TUNAR: variants seen among roughly 807,000 people sequenced by gnomAD.
TUNAR encodes the protein transmembrane neural differentiation associated intracellular calcium regulator, also known as protein TUNAR.
chr14:95,914,269 T>G (rs1889566593), intron 2 of TUNAR, among the ~76,000 whole-genome samples: 1 of 152,176 alleles, frequency 6.6e-6, no homozygotes, highest in Non-Finnish European at 1.5e-5. Context: ...CAAGGCAAAC[T>G]CAACAGATTG....
intron 2 of TUNAR, among the ~76,000 whole-genome samples, chr14:95,887,829 T>A (rs1177836169): frequency 6.6e-6 from 1 of 152,102 alleles, no homozygotes; most frequent in Non-Finnish European, 1.5e-5. Context: ...AATGTATGAG[T>A]TCTGTGTGGT....
intron 2 of TUNAR, among the ~76,000 whole-genome samples, chr14:95,886,775 G>A (rs916156275): frequency 1.3e-5 from 2 of 152,220 alleles, no homozygotes; most frequent in African/African-American, 2.4e-5. Context: ...CCCTGAGGCC[G>A]GCCAATGCCC....
At chr14:95,891,625 T>C (rs1251010467) in intron 2 of TUNAR, among the ~76,000 whole-genome samples, 3 of 152,358 alleles carry the variant, frequency 2.0e-5, no homozygotes, top group Middle Eastern at 3.4e-3. Flanking sequence ...CCTATTACTA[T>C]ACACTCGCTA....
intron 2 of TUNAR, among the ~76,000 whole-genome samples, chr14:95,880,389 C>G (rs1260902774): frequency 6.6e-6 from 1 of 152,114 alleles, no homozygotes; most frequent in Admixed American, 6.5e-5. Flanking sequence ...AGCTTTGATC[C>G]ATCCTGATTA....
chr14:95,896,199 C>A (rs765085365), intron 2 of TUNAR, among the ~76,000 whole-genome samples: 3 of 152,192 alleles, frequency 2.0e-5, no homozygotes, highest in Non-Finnish European at 4.4e-5. Flanking sequence ...TCCTACCGAT[C>A]TCAACGATTA....
intron 2 of TUNAR, among the ~76,000 whole-genome samples, chr14:95,881,725 G>A (rs1888982114): frequency 6.6e-6 from 1 of 152,228 alleles, no homozygotes; most frequent in South Asian, 2.1e-4. Context: ...TATAGCTGCT[G>A]CTGTTCTTCG....
At chr14:95,923,726 C>T (rs1250660859) in exon 3 of TUNAR, 2 of 151,592 alleles carry the variant, frequency 1.3e-5, no homozygotes, top group East Asian at 3.9e-4. Flanking sequence ...CTTTTGTTCT[C>T]TCTCTCTCCT....
chr14:95,919,661 C>T (rs374055877), intron 2 of TUNAR, among the ~76,000 whole-genome samples: 3 of 152,016 alleles, frequency 2.0e-5, no homozygotes, highest in South Asian at 2.1e-4. Context: ...TGCAGTGAGC[C>T]GTGATCACCC....
At chr14:95,889,782 C>T (rs1889143221) in intron 2 of TUNAR, among the ~76,000 whole-genome samples, 1 of 152,266 alleles carries the variant, frequency 6.6e-6, no homozygotes, top group Admixed American at 6.5e-5. Context: ...TGTGCACCTG[C>T]AGGGGTGGTG....
At chr14:95,905,065 C>T (rs1889408983) in intron 2 of TUNAR, among the ~76,000 whole-genome samples, 1 of 152,176 alleles carries the variant, frequency 6.6e-6, no homozygotes, top group Non-Finnish European at 1.5e-5. Context: ...TTAGCAAAGG[C>T]CCTGGTGGTT....
intron 2 of TUNAR, among the ~76,000 whole-genome samples, chr14:95,890,334 C>G (rs1294053428): frequency 6.6e-6 from 1 of 152,196 alleles, no homozygotes; most frequent in Non-Finnish European, 1.5e-5. Context: ...TTTTTCTTCT[C>G]GTCCTCTGAG....
chr14:95,894,332 T>C (rs717952), intron 2 of TUNAR, among the ~76,000 whole-genome samples: 57,844 of 152,058 alleles, frequency 0.38, 11,366 homozygotes, highest in Non-Finnish European at 0.44. Flanking sequence ...TGTGCTGCAT[T>C]TGTGCAAGGG....
At chr14:95,896,757 CTT>C (rs1229599593) in intron 2 of TUNAR, among the ~76,000 whole-genome samples, 1 of 152,210 alleles carries the variant, frequency 6.6e-6, no homozygotes, top group Non-Finnish European at 1.5e-5. Flanking sequence ...AAAAATAACA[CTT>C]TGTTATGTTG....
exon 2 of TUNAR, chr14:95,876,895 G>A (rs1313699855): frequency 1.3e-5 from 2 of 152,272 alleles, no homozygotes; most frequent in Non-Finnish European, 2.9e-5. Context: ...GGCATGAGGA[G>A]CCCCCGGGTG....
At chr14:95,901,866 C>T (rs143096778) in intron 2 of TUNAR, among the ~76,000 whole-genome samples, 41 of 152,262 alleles carry the variant, frequency 2.7e-4, no homozygotes, top group Admixed American at 6.5e-4. Context: ...CCTTTATAGA[C>T]AGGGTATCCT....
At chr14:95,915,806 G>A (rs1368631873) in intron 2 of TUNAR, among the ~76,000 whole-genome samples, 1 of 152,236 alleles carries the variant, frequency 6.6e-6, no homozygotes, top group Non-Finnish European at 1.5e-5. Flanking sequence ...GTGCTCATCG[G>A]AAGCAGCCCA....
chr14:95,921,124 G>A (rs1261838759), intron 2 of TUNAR, among the ~76,000 whole-genome samples: 4 of 152,138 alleles, frequency 2.6e-5, no homozygotes, highest in South Asian at 2.1e-4. Flanking sequence ...TGTTTCATTC[G>A]GGCCTTCAGC....
rs924614087 is a variant in TUNAR at position 95,895,120 on chromosome 14, T to G, written c.12+17943T>G. On this transcript the variant is annotated intron_variant, in intron 2 of 2. Coordinates refer to ENST00000678517, the Ensembl canonical transcript of TUNAR. This position sits in a 1 kb window ranked among gnomAD's most constrained non-coding sequence, Gnocchi z 4.5. ...AGGTAAGTGCAGGAAGTGCAGAACC[T>G]GCCTTGAAGCTGGACGAGGGTCATA... Among the ~76,000 whole-genome samples the G allele has an allele frequency of 1.3e-5, 2 of 152,206 alleles. No individual in the cohort carries two copies. The highest frequency in any genetic ancestry group is 2.9e-5 in the Non-Finnish European group (2 of 68,032).
chr14:95,907,683 A>G (rs1889448395), intron 2 of TUNAR, among the ~76,000 whole-genome samples: 1 of 152,212 alleles, frequency 6.6e-6, no homozygotes. Context: ...AGGTCATCCC[A>G]TTGAGCGTAC....
Sources: gnomAD v4.1 joint callset for allele counts (sites outside exome capture counted in the v4.1 genomes callset) on GRCh38, gnomAD v4.1.1 for gene constraint, Gnocchi (gnomAD v3.1) non-coding constraint, MANE v1.5 for transcripts, NCBI Gene and HGNC (gene_info 2026-07-23, HGNC 2026-07-21) for gene names.